The following SLC60A2 variants were observed in gnomAD, a reference collection of about 807,000 sequenced individuals.
The protein encoded by SLC60A2 is major facilitator superfamily domain containing 4B.
chr6:111,266,452 T>C, the SLC60A2 span: 1 of 1,614,206 alleles, frequency 6.2e-7, no homozygotes, highest in Non-Finnish European at 8.5e-7. Context: ...CCTGGAACCA[T>C]GATTGTGTTG....
At chr6:111,262,276 T>C in the SLC60A2 span, 1 of 1,614,030 alleles carries the variant, frequency 6.2e-7, no homozygotes, top group South Asian at 1.1e-5. Context: ...GTTGCTATAG[T>C]GGGACCCACG....
the SLC60A2 span, chr6:111,266,861 G>T: frequency 6.2e-7 from 1 of 1,613,952 alleles, no homozygotes; most frequent in Non-Finnish European, 8.5e-7. Context: ...CTAGCTCCGG[G>T]CTAAATGAAT....
chr6:111,270,826 C>T, the SLC60A2 span: 2 of 150,660 alleles, frequency 1.3e-5, no homozygotes, highest in African/African-American at 4.9e-5. Flanking sequence ...GCCTGGGTGA[C>T]AGAGCGAGAC....
chr6:111,262,560 T>C, the SLC60A2 span: 4 of 767,890 alleles, frequency 5.2e-6, no homozygotes, highest in East Asian at 2.5e-5. Flanking sequence ...TCAATGGCAG[T>C]TGAGTTTCCC....
chr6:111,270,267 A>G, the SLC60A2 span: 1 of 152,240 alleles, frequency 6.6e-6, no homozygotes, highest in African/African-American at 2.4e-5. Context: ...GAAGCAAGGT[A>G]TGAGTTCCAA....
At chr6:111,261,630 G>C in the SLC60A2 span, among the ~76,000 whole-genome samples, 1 of 151,998 alleles carries the variant, frequency 6.6e-6, no homozygotes, top group East Asian at 1.9e-4. Flanking sequence ...GTCTCGCTCT[G>C]TCGCCCAGGC....
chr6:111,262,399 A>C, the SLC60A2 span: 1 of 1,613,152 alleles, frequency 6.2e-7, no homozygotes, highest in East Asian at 2.2e-5. Context: ...TTTCTTGTCG[A>C]TGTCATGAAT....
the SLC60A2 span, among the ~76,000 whole-genome samples, chr6:111,276,312 G>A: frequency 6.6e-6 from 1 of 152,088 alleles, no homozygotes; most frequent in East Asian, 1.9e-4. Flanking sequence ...TGGATCTTAT[G>A]GTAATTCTAT....
chr6:111,274,618 G>A, the SLC60A2 span, among the ~76,000 whole-genome samples: 138 of 152,090 alleles, frequency 9.1e-4, 1 homozygote, highest in African/African-American at 3.2e-3. Context: ...GTTTATCACT[G>A]TGATTTTGTG....
chr6:111,272,966 G>T, the SLC60A2 span, among the ~76,000 whole-genome samples: 1 of 151,644 alleles, frequency 6.6e-6, no homozygotes, highest in South Asian at 2.1e-4. Flanking sequence ...AAGTAGCTGG[G>T]ATTACAGGCA....
At chr6:111,262,321 T>C in the SLC60A2 span, 76 of 1,613,986 alleles carry the variant, frequency 4.7e-5, no homozygotes, top group Non-Finnish European at 6.1e-5. Context: ...AACCGAAATA[T>C]CAGTAGTCTG....
chr6:111,271,775 T>TAAAAAA, the SLC60A2 span, among the ~76,000 whole-genome samples: 3,740 of 18,836 alleles, frequency 0.2, 963 homozygotes, highest in Non-Finnish European at 0.28. Flanking sequence ...CCATCTCTAC[T>TAAAAAA]AAAAAAAAAA....
chr6:111,264,901 C>G, the SLC60A2 span, among the ~76,000 whole-genome samples: 1 of 151,962 alleles, frequency 6.6e-6, no homozygotes, highest in African/African-American at 2.4e-5. Flanking sequence ...CAAGACCAGC[C>G]TGACCAATAT....
chr6:111,262,062 AACTG>A, the SLC60A2 span, among the ~76,000 whole-genome samples: 9 of 152,138 alleles, frequency 5.9e-5, no homozygotes, highest in Non-Finnish European at 1.2e-4. Context: ...ATTTTTTAAA[AACTG>A]AGAGGTGTCA....
the SLC60A2 span, chr6:111,267,187 C>T: frequency 1.1e-5 from 16 of 1,415,348 alleles, no homozygotes; most frequent in South Asian, 1.4e-4. Flanking sequence ...CAGAGCAGAG[C>T]ATTAGCAGAA....
At chr6:111,266,056 C>T in the SLC60A2 span, 1,514 of 1,614,176 alleles carry the variant, frequency 9.4e-4, 15 homozygotes, top group South Asian at 9.8e-3. Flanking sequence ...CTCAACCAAT[C>T]ATCTGATGCT....
the SLC60A2 span, among the ~76,000 whole-genome samples, chr6:111,261,130 G>C: frequency 6.6e-6 from 1 of 152,156 alleles, no homozygotes; most frequent in Non-Finnish European, 1.5e-5. Flanking sequence ...CTGTACTTGG[G>C]CGTGTAATAT....
At chr6:111,259,607 G>C in the SLC60A2 span, 1 of 1,396,248 alleles carries the variant, frequency 7.2e-7, no homozygotes, top group South Asian at 1.4e-5. Flanking sequence ...TGCAGGCGGA[G>C]GCCCCGGCGG....
chr6:111,277,452 G>A, the SLC60A2 span, among the ~76,000 whole-genome samples: 6 of 152,150 alleles, frequency 3.9e-5, no homozygotes, highest in Admixed American at 6.5e-5. Flanking sequence ...TCATCTGTGC[G>A]GACCAGAAAG....
Sources: allele counts gnomAD v4.1 joint callset (sites outside exome capture counted in the v4.1 genomes callset), GRCh38; gene constraint gnomAD v4.1.1; transcripts MANE v1.5; gene names NCBI Gene and HGNC (gene_info 2026-07-23, HGNC 2026-07-21).